Variants in CCDC171 observed in about 807,000 individuals in gnomAD.
CCDC171 encodes the protein coiled-coil domain containing 171.
CCDC171 carries 177 observed loss-of-function variants against 168.2 expected under a neutral mutation model. The ratio of observed to expected loss-of-function variants is 1.05; its 90% CI spans 0.93 to 1.19. CCDC171 has a LOEUF of 1.19. CCDC171 is among the 50% of genes most tolerant of loss of function. The probability of loss-of-function intolerance (pLI) is 0.00; values close to 1 mark genes in which losing one functional copy is unlikely to be tolerated. For synonymous variants in CCDC171, 687 were observed against 540.8 expected (o/e 1.27, Z -3.75); for missense variants, 1,991 against 1,539.0 (o/e 1.29, Z -4.91).
the CCDC171 span, among the ~76,000 whole-genome samples, chr9:16,081,831 G>A: frequency 2.0e-5 from 3 of 151,758 alleles, no homozygotes; most frequent in African/African-American, 7.3e-5. Context: ...TGCAGTTAAA[G>A]TGTTTACTTC....
At chr9:16,077,423 G>C in the CCDC171 span, among the ~76,000 whole-genome samples, 1 of 152,156 alleles carries the variant, frequency 6.6e-6, no homozygotes, top group Admixed American at 6.5e-5. Flanking sequence ...GCCATGACAG[G>C]TGGAGAATAC....
intron 23 of CCDC171, among the ~76,000 whole-genome samples, chr9:15,863,647 G>A (rs1312350377): frequency 6.6e-6 from 1 of 151,652 alleles, no homozygotes; most frequent in Admixed American, 6.6e-5. Flanking sequence ...CCTTGTACAT[G>A]GTTTTCTATA....
intron 18 of CCDC171, among the ~76,000 whole-genome samples, chr9:15,765,655 C>T (rs1024599645): frequency 7.2e-5 from 11 of 152,028 alleles, no homozygotes; most frequent in East Asian, 1.9e-4. Flanking sequence ...ATTTGAGAAG[C>T]GGAGAAAATG....
At chr9:15,572,268 A>G (rs1323392929) in intron 3 of CCDC171, among the ~76,000 whole-genome samples, 2 of 152,148 alleles carry the variant, frequency 1.3e-5, no homozygotes, top group African/African-American at 4.8e-5. Flanking sequence ...CCCTTCTAAG[A>G]TAATTCATGA....
intron 6 of CCDC171, among the ~76,000 whole-genome samples, chr9:16,026,131 G>C (rs191003386): frequency 6.6e-6 from 1 of 152,144 alleles, no homozygotes; most frequent in African/African-American, 2.4e-5. Context: ...ACCTGGGTCA[G>C]AGGAGTGGGT....
intron 1 of CCDC171, among the ~76,000 whole-genome samples, chr9:15,557,308 C>T (rs201432719): frequency 5.3e-5 from 8 of 151,912 alleles, no homozygotes; most frequent in Non-Finnish European, 7.4e-5. Context: ...GGGGATGGCA[C>T]TGAATCTATA....
intron 23 of CCDC171, 39 bp downstream of exon 23, chr9:15,848,986 A>T (rs1442254191): frequency 9.5e-7 from 1 of 1,051,944 alleles, no homozygotes; most frequent in East Asian, 2.6e-5. Context: ...AATTTGTGTC[A>T]TGACACCTAG....
chr9:15,575,090 G>A (rs1267949831), intron 3 of CCDC171, among the ~76,000 whole-genome samples: 2 of 150,368 alleles, frequency 1.3e-5, no homozygotes, highest in Non-Finnish European at 3.0e-5. Context: ...GGCCCAGATA[G>A]TGATAACAGA....
At chr9:16,106,523 A>T in the CCDC171 span, among the ~76,000 whole-genome samples, 1 of 152,164 alleles carries the variant, frequency 6.6e-6, no homozygotes, top group Admixed American at 6.5e-5. Context: ...AAAACCCCAA[A>T]GGGTTTCCCA....
chr9:15,925,144 T>G (rs1201997745), intron 25 of CCDC171, among the ~76,000 whole-genome samples: 1 of 151,670 alleles, frequency 6.6e-6, no homozygotes, highest in Non-Finnish European at 1.5e-5. Context: ...ATAATCACAC[T>G]AAATAATGTG....
At chr9:16,064,842 T>A (rs77027896), downstream of CCDC171, among the ~76,000 whole-genome samples, 388 of 152,330 alleles carry the variant, frequency 2.5e-3, 2 homozygotes, top group African/African-American at 8.4e-3. Flanking sequence ...TCTAAGGTAT[T>A]TGAGAGCCCT....
chr9:15,867,437 T>G (rs535517671), intron 23 of CCDC171, among the ~76,000 whole-genome samples: 1 of 152,072 alleles, frequency 6.6e-6, no homozygotes, highest in African/African-American at 2.4e-5. Context: ...TTTTAGTGGC[T>G]TGTCAATGAC....
At chr9:15,968,581 C>T (rs1458066902) in intron 25 of CCDC171, among the ~76,000 whole-genome samples, 1 of 147,788 alleles carries the variant, frequency 6.8e-6, no homozygotes, top group South Asian at 2.1e-4. Context: ...TGCTCTGTTG[C>T]CCAGGCTGGA....
chr9:15,929,034 A>C (rs1826204741), intron 25 of CCDC171, among the ~76,000 whole-genome samples: 1 of 151,374 alleles, frequency 6.6e-6, no homozygotes, highest in Admixed American at 6.6e-5. Flanking sequence ...ATTTATGTAA[A>C]TATAAGTATA....
At chr9:16,027,387 C>T (rs1350612626) in intron 6 of CCDC171, among the ~76,000 whole-genome samples, 1 of 152,138 alleles carries the variant, frequency 6.6e-6, no homozygotes, top group Admixed American at 6.5e-5. Flanking sequence ...CTTATGACTG[C>T]AGAGAGGCAC....
At chr9:16,037,861 G>A (rs1221480013), upstream of CCDC171, among the ~76,000 whole-genome samples, 1 of 151,994 alleles carries the variant, frequency 6.6e-6, no homozygotes, top group East Asian at 1.9e-4. Flanking sequence ...AGTAGAAATA[G>A]AAAATGAAGG....
chr9:15,778,839 C>T (rs2057494432), intron 19 of CCDC171, 129 bp from the exon 20 acceptor site: 2 of 597,804 alleles, frequency 3.3e-6, no homozygotes, highest in African/African-American at 3.8e-5. Flanking sequence ...GTTTTCACCT[C>T]TACATTTCTG....
At chr9:15,833,244 G>A (rs1036297624) in intron 21 of CCDC171, among the ~76,000 whole-genome samples, 5 of 151,880 alleles carry the variant, frequency 3.3e-5, no homozygotes, top group African/African-American at 9.7e-5. Context: ...TGCCCACCTC[G>A]GCCTCCCAAA....
chr9:15,709,439 A>G (rs1246695568), intron 11 of CCDC171, among the ~76,000 whole-genome samples: 1 of 152,148 alleles, frequency 6.6e-6, no homozygotes, highest in African/African-American at 2.4e-5. Flanking sequence ...ATTAAAACAG[A>G]TAAGGAAAGA....
Sources: gnomAD v4.1 joint callset for allele counts (sites outside exome capture counted in the v4.1 genomes callset) on GRCh38, gnomAD v4.1.1 for gene constraint, MANE v1.5 for transcripts, NCBI Gene and HGNC (gene_info 2026-07-23, HGNC 2026-07-21) for gene names.